CPNE4: variants seen among roughly 807,000 people sequenced by gnomAD.
CPNE4 encodes the protein copine 4.
Under a neutral mutation model 67.9 loss-of-function variants are expected in CPNE4, and 25 were observed. The observed-to-expected ratio is 0.37, with a 90% confidence interval of 0.27 to 0.51. The LOEUF is 0.51. Ranked by LOEUF, CPNE4 falls within the 20% of genes least tolerant of loss-of-function variation. CPNE4 has a pLI of 0.93. For synonymous variants in CPNE4, 242 were observed against 244.9 expected, an observed-to-expected ratio of 0.99 and a Z score of 0.11; for missense variants, 464 against 690.8, an observed-to-expected ratio of 0.67 and a Z score of 3.68.
In CPNE4 at chr3:132,004,415, T is replaced by C. The variant is rs1257019439; in HGVS notation, c.-2+30152A>G. 3.3e-5 allele frequency among the ~76,000 whole-genome samples: 5 copies of C among 152,204 alleles called. No homozygotes were observed. The South Asian group carries it at 6.2e-4, about 19-fold the overall frequency. On this transcript the variant is annotated intron_variant, in intron 1 of 15. Transcript: ENST00000429747. ...ATGTATGTCTGCATATGTGTGTATG[T>C]ACATGTGGAGAGACAGAGACAGAAA...
chr3:131,748,768 T>C (rs978242106), intron 2 of CPNE4, among the ~76,000 whole-genome samples: 2 of 152,094 alleles, frequency 1.3e-5, no homozygotes, highest in African/African-American at 2.4e-5. Flanking sequence ...TTTGTATTAT[T>C]ATCTTATTAT....
chr3:131,837,129 G>A (rs988710166), intron 2 of CPNE4, among the ~76,000 whole-genome samples: 11 of 152,118 alleles, frequency 7.2e-5, no homozygotes, highest in African/African-American at 2.7e-4. Context: ...CTGTTGGTGG[G>A]AATGTAAAAT....
intron 1 of CPNE4, among the ~76,000 whole-genome samples, chr3:132,014,340 C>G (rs149615050): frequency 6.6e-6 from 1 of 152,092 alleles, no homozygotes; most frequent in African/African-American, 2.4e-5. Flanking sequence ...CTCCCACCCC[C>G]ACTCCTCATC....
At chr3:131,927,882 A>G (rs999212075) in intron 1 of CPNE4, among the ~76,000 whole-genome samples, 1 of 152,314 alleles carries the variant, frequency 6.6e-6, no homozygotes, top group African/African-American at 2.4e-5. Flanking sequence ...AATAGGCAAG[A>G]AAAGTAGTTT....
intron 2 of CPNE4, among the ~76,000 whole-genome samples, chr3:131,890,413 G>C (rs1165061961): frequency 6.6e-6 from 1 of 150,802 alleles, no homozygotes; most frequent in Non-Finnish European, 1.5e-5. Flanking sequence ...GTAAGCATAG[G>C]CATTATTATT....
At chr3:132,011,230 T>C (rs1380353637) in intron 1 of CPNE4, among the ~76,000 whole-genome samples, 12 of 152,174 alleles carry the variant, frequency 7.9e-5, no homozygotes, top group Admixed American at 7.9e-4. Context: ...AGATCCCTTG[T>C]GCTTTAGAAA....
intron 2 of CPNE4, among the ~76,000 whole-genome samples, chr3:131,832,460 G>T (rs2085412058): frequency 6.6e-6 from 1 of 152,182 alleles, no homozygotes; most frequent in Non-Finnish European, 1.5e-5. Context: ...GGACTGCCAG[G>T]CAGTCTCCTG....
chr3:131,551,346 GT>G (rs1202730885), intron 13 of CPNE4, among the ~76,000 whole-genome samples: 3 of 152,050 alleles, frequency 2.0e-5, no homozygotes, highest in African/African-American at 4.8e-5. Flanking sequence ...AGCTCCTTAT[GT>G]TTTTTTGGTT....
intron 2 of CPNE4, among the ~76,000 whole-genome samples, chr3:131,819,491 TAC>T (rs5852655): frequency 0.031 from 4,476 of 146,088 alleles, 96 homozygotes; most frequent in East Asian, 0.055. Flanking sequence ...CACACACAGA[TAC>T]ACACACACAC....
chr3:131,658,700 C>T (rs1240811865), intron 7 of CPNE4, among the ~76,000 whole-genome samples: 1 of 152,114 alleles, frequency 6.6e-6, no homozygotes, highest in Non-Finnish European at 1.5e-5. Flanking sequence ...AGAAGGAGGG[C>T]CTATGGGATT....
intron 1 of CPNE4, among the ~76,000 whole-genome samples, chr3:132,013,615 TTCA>T (rs1311122026): frequency 6.6e-6 from 1 of 152,236 alleles, no homozygotes; most frequent in Non-Finnish European, 1.5e-5. Flanking sequence ...TTTATACTTC[TTCA>T]TATTATTACA....
chr3:131,732,116 A>C (rs1237232271), intron 2 of CPNE4, among the ~76,000 whole-genome samples: 2 of 152,316 alleles, frequency 1.3e-5, no homozygotes, highest in East Asian at 3.9e-4. Flanking sequence ...AACCAGGGCT[A>C]GTGTGTGATC....
At chr3:131,564,581 G>C (rs544705511) in intron 10 of CPNE4, among the ~76,000 whole-genome samples, 39 of 151,970 alleles carry the variant, frequency 2.6e-4, no homozygotes, top group Non-Finnish European at 5.0e-4. Flanking sequence ...TCTTCTCTCT[G>C]TTTAATAGGA....
chr3:131,627,809 A>T (rs995705711), intron 7 of CPNE4, among the ~76,000 whole-genome samples: 6 of 152,224 alleles, frequency 3.9e-5, no homozygotes, highest in African/African-American at 1.4e-4. Flanking sequence ...GAACCTGAAG[A>T]TGTGATTGAA....
rs147229461 is a variant in CPNE4 at position 131,989,926 on chromosome 3, G to A, written c.-2+44641C>T. Among the ~76,000 whole-genome samples, 298 of 136,108 alleles carry A rather than the reference G, an allele frequency of 2.2e-3. 61 individuals are homozygous for A. The highest frequency in any genetic ancestry group is 3.6e-3 in the Non-Finnish European group (215 of 59,998). 89.3% of individuals were successfully genotyped at this position (136,108 alleles called of 152,430 possible). A position where few individuals can be genotyped will look rare whatever the true frequency, so the allele number is the denominator to read the frequency against. ...TGGACTAAAGAGGCTTAAATGTAAC[G>A]CATGGGCTCTGGGAAGCCATTGAAG... On this transcript the variant is annotated intron_variant, in intron 1 of 15. Transcript: ENST00000429747.
chr3:131,603,180 C>A (rs992502664), intron 7 of CPNE4, among the ~76,000 whole-genome samples: 26 of 152,196 alleles, frequency 1.7e-4, no homozygotes, highest in African/African-American at 5.8e-4. Context: ...ATTATCAAGT[C>A]TTTATTGAGT....
intron 1 of CPNE4, among the ~76,000 whole-genome samples, chr3:132,029,334 A>T (rs2074188726): frequency 1.3e-5 from 2 of 152,206 alleles, no homozygotes; most frequent in African/African-American, 4.8e-5. Flanking sequence ...GCAGCGAGGC[A>T]ATCCAGGCCG....
chr3:131,645,660 G>A (rs2079646333), intron 7 of CPNE4, among the ~76,000 whole-genome samples: 1 of 152,122 alleles, frequency 6.6e-6, no homozygotes, highest in South Asian at 2.1e-4. Flanking sequence ...ATTCTTTGAA[G>A]TCTCAAGAGC....
At chr3:131,942,459 TGTGTGAGAGA>T (rs1436392016) in intron 1 of CPNE4, among the ~76,000 whole-genome samples, 363 of 56,016 alleles carry the variant, frequency 6.5e-3, no homozygotes, top group Non-Finnish European at 8.6e-3. Context: ...TGTGTGTGTG[TGTGTGAGAGA>T]GAGAGAGAGA....
Sources: allele counts gnomAD v4.1 joint callset (sites outside exome capture counted in the v4.1 genomes callset), GRCh38; gene constraint gnomAD v4.1.1; transcripts MANE v1.5; gene names NCBI Gene and HGNC (gene_info 2026-07-23, HGNC 2026-07-21).